TRPV2: variants seen among roughly 807,000 people sequenced by gnomAD.
TRPV2 encodes OTRPC2.
TRPV2 carries 58 observed loss-of-function variants against 91.0 expected under a neutral mutation model. That is an observed-to-expected ratio of 0.64 (90% CI 0.52 to 0.79). The LOEUF is 0.79. Among genes scored for constraint, TRPV2 ranks in the 30% least tolerant of loss-of-function variants. The probability of loss-of-function intolerance (pLI) is 0.00; values close to 1 mark genes in which losing one functional copy is unlikely to be tolerated. For synonymous variants in TRPV2, 417 were observed against 414.8 expected, an observed-to-expected ratio of 1.01 and a Z score of -0.06; for missense variants, 807 against 969.6, an observed-to-expected ratio of 0.83 and a Z score of 2.23.
rs1028142192 is a variant in TRPV2 at position 16,428,756 on chromosome 17, C to A, written c.1422-61C>A. 51 of 1,602,164 alleles carry A rather than the reference C, an allele frequency of 3.2e-5. No individual in the cohort carries two copies. The African/African-American group carries it at 6.0e-4, about 19-fold the overall frequency. On this transcript the variant is annotated intron_variant, in intron 9 of 14. Transcript: ENST00000338560. ...AGGTCAGGACCTTGGTCAGCATAGG[C>A]CAGTGGGGGCTCAGGGAGCCAAGTG...
chr17:16,429,652 C>T (rs2093400754), intron 10 of TRPV2, among the ~76,000 whole-genome samples: 1 of 152,062 alleles, frequency 6.6e-6, no homozygotes, highest in African/African-American at 2.4e-5. Flanking sequence ...ATATTCTCAG[C>T]AGAGGGCACA....
At chr17:16,431,918 T>C in intron 11 of TRPV2, 48 bp from the exon 12 acceptor site, 3 of 1,612,564 alleles carry the variant, frequency 1.9e-6, no homozygotes, top group Non-Finnish European at 2.5e-6. Context: ...CTCCCAAGGC[T>C]GCCCACCGGT....
At chr17:16,427,644 C>A in intron 8 of TRPV2, 97 bp downstream of exon 8, 2 of 1,139,472 alleles carry the variant, frequency 1.8e-6, no homozygotes, top group Non-Finnish European at 2.5e-6. Context: ...CTGACAATAC[C>A]CAGTCCCACC....
rs1179690322 is a variant in TRPV2 at position 16,422,868 on chromosome 17, CA to C, written c.606del (p.Thr204LeufsTer22). The C allele has an allele frequency of 1.3e-5, 20 of 1,566,182 alleles. No individual in the cohort carries two copies. Among genetic ancestry groups the C allele is most frequent in the African/African-American group, 2.7e-5 (2 of 73,616 alleles). ...CTGCGGCCGCTTCTTCCAGAAGGGC[CA>C]AGGGACTTGCTTTTATTTCGGTGAG... ...RACGRFFQKG[Q>X]GTCFYFGELP... On this transcript the variant is annotated frameshift_variant, in exon 4 of 15. Transcript: ENST00000338560. LOFTEE classifies it high-confidence loss of function.
chr17:16,434,806 A>T, intron 13 of TRPV2, 84 bp from the exon 14 acceptor site: 3 of 1,356,746 alleles, frequency 2.2e-6, no homozygotes, highest in South Asian at 2.4e-5. Context: ...ATAGTCTCCC[A>T]ATTTGGGGGG....
In TRPV2 at chr17:16,426,720, A is replaced by G. The variant is rs1477300932; in HGVS notation, c.1096-2A>G. On this transcript the variant is annotated splice_acceptor_variant, in intron 6 of 14. Transcript: ENST00000338560. LOFTEE classifies it high-confidence loss of function. This position sits in a 1 kb window ranked among gnomAD's most constrained non-coding sequence, Gnocchi z 6.0. ...CCCATGGCTCTCCCCTCCCCACCCCAGCACCGACACCGAATGGTCGTTTTG... is the reference window on the plus strand; with the variant it reads ...CCCATGGCTCTCCCCTCCCCACCCCGGCACCGACACCGAATGGTCGTTTTG... 4 of 1,612,368 alleles carry G rather than the reference A, an allele frequency of 2.5e-6. No homozygotes were observed. Among genetic ancestry groups the G allele is most frequent in the Non-Finnish European group, 3.4e-6 (4 of 1,179,160 alleles).
rs755083478 is a variant in TRPV2, at chr17:16,433,592, G to A, written c.2008G>A (p.Glu670Lys). The change falls in exon 13 of 15, where the codon GAG (glutamate) becomes AAG (lysine). Residue 670 changes from glutamate (E) to lysine (K), a missense_variant. Transcript: ENST00000338560. The part of the protein sequence containing the change: ...WKLQKAISVL[E>K]MENGYWWCRK... The stretch of plus-strand genomic sequence containing the variant: ...TCCCCAGAAAGCCATCTCTGTCCTG[G>A]AGATGGAGAATGGCTATTGGTGGTG... The A allele has an allele frequency of 4.3e-6, 7 of 1,614,150 alleles. No individual in the cohort carries two copies. Among genetic ancestry groups the A allele is most frequent in the Non-Finnish European group, 5.9e-6 (7 of 1,180,026 alleles).
chr17:16,433,578 C>G lies in TRPV2; in HGVS notation c.1994C>G (p.Ala665Gly). The change falls in exon 13 of 15, where the codon GCC (alanine) becomes GGC (glycine). Residue 665 changes from alanine to glycine, a missense_variant. Transcript: ENST00000338560. ...TGATGCATCCTTTGTCCCCAGAAAG[C>G]CATCTCTGTCCTGGAGATGGAGAAT... is the stretch of plus-strand genomic sequence containing the variant. The part of the protein sequence containing the change: ...DSWSIWKLQK[A>G]ISVLEMENGY... 6.2e-7 allele frequency: 1 copy of G among 1,614,010 alleles called. No homozygotes were observed. Among genetic ancestry groups the G allele is most frequent in the Non-Finnish European group, 8.5e-7 (1 of 1,179,982 alleles).
intron 5 of TRPV2, 130 bp from the exon 6 acceptor site, chr17:16,425,969 G>T (rs1166759821): frequency 6.5e-6 from 6 of 926,976 alleles, no homozygotes; most frequent in Non-Finnish European, 8.4e-6. Context: ...GTGTATGGGG[G>T]TACGTGCACG....
rs1231692952 is a variant in TRPV2, at chr17:16,422,728, A to T, written c.464A>T (p.Gln155Leu). The T allele has an allele frequency of 1.9e-6, 3 of 1,599,956 alleles. No individual in the cohort carries two copies. The East Asian group carries it at 6.8e-5, about 36-fold the overall frequency. Reference protein sequence around the residue: ...SGNPQPLVNAQCTDDYYRGHS... With the variant: ...SGNPQPLVNALCTDDYYRGHS... Reference sequence around the variant, plus strand: ...AATCCTCAGCCCCTGGTAAATGCCCAGTGCACAGATGACTATTACCGAGGC... The same window carrying T: ...AATCCTCAGCCCCTGGTAAATGCCCTGTGCACAGATGACTATTACCGAGGC... The change falls in exon 4 of 15, where the codon CAG (glutamine) becomes CTG (leucine). Residue 155 changes from glutamine (Q) to leucine (L), a missense_variant. By Grantham distance (113) the Gln-to-Leu change is moderately radical. Transcript: ENST00000338560.
At position 16,432,319 on chromosome 17, in the gene TRPV2, C is replaced by A. The variant is rs758447224; in HGVS notation, c.1989+19C>A. ...GCTGCAGGTGCCACCAGAGAGGCTCCCTGCCCCCACCCCACCCCACACTCA... is the reference window on the plus strand; with the variant it reads ...GCTGCAGGTGCCACCAGAGAGGCTCACTGCCCCCACCCCACCCCACACTCA... On this transcript the variant is annotated intron_variant, in intron 12 of 14. Transcript: ENST00000338560. 8.8e-6 allele frequency: 14 copies of A among 1,583,674 alleles called. No homozygotes were observed. In the South Asian group the frequency reaches 1.6e-4, roughly 18 times the overall value.
chr17:16,434,833 G>A lies in TRPV2; in HGVS notation c.2115-57G>A, dbSNP rs369166080. On this transcript the variant is annotated intron_variant, in intron 13 of 14. Transcript: ENST00000338560. Reference sequence around the variant, plus strand: ...TTTGGGGGGCCACGCCCCTCTCCGGGGTGGGAGGGGAGGCGGTCAAAGCAG... The same window carrying A: ...TTTGGGGGGCCACGCCCCTCTCCGGAGTGGGAGGGGAGGCGGTCAAAGCAG... 6.5e-5 allele frequency: 100 copies of A among 1,538,220 alleles called. No homozygotes were observed. In the African/African-American group the frequency reaches 1.3e-3, roughly 20 times the overall value.
intron 1 of TRPV2, 74 bp from the exon 2 acceptor site, chr17:16,417,488 C>T: frequency 1.7e-6 from 1 of 581,080 alleles, no homozygotes; most frequent in Non-Finnish European, 3.0e-6. Context: ...CCAGCCTCAG[C>T]CTCCCAAAGT....
chr17:16,417,403 G>T (rs927118325), intron 1 of TRPV2, among the ~76,000 whole-genome samples, 159 bp from the exon 2 acceptor site: 1 of 151,782 alleles, frequency 6.6e-6, no homozygotes, highest in Non-Finnish European at 1.5e-5. Flanking sequence ...ACCATGCCCA[G>T]CTAATTTTTG....
In TRPV2 at chr17:16,417,485, C is replaced by T. The variant is rs1164964375; in HGVS notation, c.-107-77C>T. The T allele has an allele frequency of 5.2e-6, 3 of 575,152 alleles. No homozygotes were observed. In the Admixed American group the frequency reaches 9.3e-5, roughly 18 times the overall value. The allele number at this position is 575,152 out of a possible 1,614,324, so 35.6% of individuals were successfully genotyped here. ...TCTCTAACAGCTGACCAGCCAGCCT[C>T]AGCCTCCCAAAGTGCTGGGATTACA... is the stretch of plus-strand genomic sequence containing the variant. On this transcript the variant is annotated intron_variant, in intron 1 of 14. Coordinates refer to ENST00000338560, the MANE Select transcript of TRPV2 (RefSeq NM_016113.5).
At chr17:16,423,391 CT>C (rs1002133415) in intron 4 of TRPV2, 77 bp from the exon 5 acceptor site, 40 of 1,491,824 alleles carry the variant, frequency 2.7e-5, no homozygotes, top group Admixed American at 6.5e-5. Context: ...GAGGGCTGGC[CT>C]TTTGTCCAAG....
chr17:16,422,369 A>T (rs892124412), intron 3 of TRPV2, among the ~76,000 whole-genome samples: 2 of 151,762 alleles, frequency 1.3e-5, no homozygotes, highest in Non-Finnish European at 2.9e-5. Context: ...AGAAAAAAAA[A>T]GAAATTTCGT....
In TRPV2 at chr17:16,435,112, G is replaced by A; in HGVS notation, c.2194+143G>A. On this transcript the variant is annotated intron_variant, in intron 14 of 14. Transcript: ENST00000338560. The surrounding 1 kb of genome is among the most constrained non-coding windows in gnomAD (Gnocchi z 4.2). ...TCCCCACATGCCAGCTCCTCTTAGA[G>A]GGATTGCCTCCTTAAAACAGTGGTT... is the stretch of plus-strand genomic sequence containing the variant. 1.7e-6 allele frequency: 1 copy of A among 585,094 alleles called. No homozygotes were observed. Among genetic ancestry groups the A allele is most frequent in the South Asian group, 3.0e-5 (1 of 33,518 alleles). 36.2% of individuals were successfully genotyped at this position (585,094 alleles called of 1,614,324 possible).
chr17:16,435,033 G>C lies in TRPV2; in HGVS notation c.2194+64G>C. The stretch of plus-strand genomic sequence containing the variant: ...TGTGTCTCTGCTGCTTGGCCACAAA[G>C]CCTTGGAGAGTCTGGGGCAGGACCC... On this transcript the variant is annotated intron_variant, in intron 14 of 14. Coordinates refer to ENST00000338560, the MANE Select transcript of TRPV2 (RefSeq NM_016113.5). The surrounding 1 kb of genome is among the most constrained non-coding windows in gnomAD (Gnocchi z 4.2). 6.9e-7 allele frequency: 1 copy of C among 1,440,296 alleles called. No homozygotes were observed. The highest frequency in any genetic ancestry group is 9.5e-7 in the Non-Finnish European group (1 of 1,055,164). 89.2% of individuals were successfully genotyped at this position (1,440,296 alleles called of 1,614,324 possible).
Sources: gnomAD v4.1 joint callset for allele counts (sites outside exome capture counted in the v4.1 genomes callset) on GRCh38, gnomAD v4.1.1 for gene constraint, Gnocchi (gnomAD v3.1) non-coding constraint, MANE v1.5 for transcripts, NCBI Gene and HGNC (gene_info 2026-07-23, HGNC 2026-07-21) for gene names.